SLC16A2: variants seen among roughly 807,000 people sequenced by gnomAD.
The protein encoded by SLC16A2 is monocarboxylate transporter 8.
Under a neutral mutation model 27.2 loss-of-function variants are expected in SLC16A2, and 3 were observed. The observed-to-expected ratio is 0.11, with a 90% confidence interval of 0.05 to 0.28. The LOEUF is 0.28. Among genes scored for constraint, SLC16A2 ranks in the 10% least tolerant of loss-of-function variants. SLC16A2 has a pLI of 1.00. For synonymous variants in SLC16A2, 202 were observed against 187.8 expected (o/e 1.08, Z -0.62); for missense variants, 295 against 458.5 (o/e 0.64, Z 3.26).
intron 1 of SLC16A2, among the ~76,000 whole-genome samples, chrX:74,453,045 C>T (rs763255982): frequency 2.2e-5 from 2 of 90,119 alleles, no homozygotes; most frequent in East Asian, 1.1e-3. Context: ...TACTGCTGTG[C>T]AGGTTGCTTT....
intron 1 of SLC16A2, among the ~76,000 whole-genome samples, chrX:74,461,744 C>A (rs924930160): frequency 4.5e-5 from 5 of 111,771 alleles, no homozygotes; most frequent in African/African-American, 1.6e-4. Context: ...GGTATCATTA[C>A]CAAATTTTAA....
chrX:74,522,093 T>C (rs1930416663), intron 2 of SLC16A2, among the ~76,000 whole-genome samples: 1 of 111,872 alleles, frequency 8.9e-6, no homozygotes, highest in African/African-American at 3.3e-5. Context: ...TGGGCCGATG[T>C]AGGGGAATGC....
chrX:74,466,639 G>A (rs1384463666), intron 1 of SLC16A2, among the ~76,000 whole-genome samples: 2 of 110,956 alleles, frequency 1.8e-5, no homozygotes, highest in Admixed American at 9.6e-5. Context: ...AAACATTTTC[G>A]ATCTGCTGTT....
intron 1 of SLC16A2, among the ~76,000 whole-genome samples, chrX:74,465,895 C>T (rs1428600935): frequency 9.0e-6 from 1 of 111,007 alleles, no homozygotes; most frequent in Non-Finnish European, 1.9e-5. Flanking sequence ...CCTCCGTGAC[C>T]CTCCCAGCCC....
At chrX:74,524,873 A>T in intron 3 of SLC16A2, 64 bp downstream of exon 3, 1 of 983,408 alleles carries the variant, frequency 1.0e-6, no homozygotes, top group Non-Finnish European at 1.4e-6. Context: ...ACCTGCCTAG[A>T]TTCCAGAGGG....
chrX:74,454,752 G>T (rs1929012595), intron 1 of SLC16A2, among the ~76,000 whole-genome samples: 1 of 110,992 alleles, frequency 9.0e-6, no homozygotes, highest in Non-Finnish European at 1.9e-5. Context: ...CTGGGCTTTT[G>T]ACTACACTAA....
At chrX:74,461,258 C>G (rs900223714) in intron 1 of SLC16A2, among the ~76,000 whole-genome samples, 1 of 111,903 alleles carries the variant, frequency 8.9e-6, no homozygotes, top group African/African-American at 3.2e-5. Flanking sequence ...TCCTTGTACT[C>G]TCTGTAACCT....
chrX:74,450,798 C>T (rs772908057), intron 1 of SLC16A2, among the ~76,000 whole-genome samples: 1 of 112,199 alleles, frequency 8.9e-6, no homozygotes, highest in East Asian at 2.8e-4. Flanking sequence ...ACAATATCCC[C>T]TTGGCTCTGG....
In SLC16A2 at chrX:74,532,021, G is replaced by C. The variant is rs781270942; in HGVS notation, c.*468G>C. ...GGGTGGAGGGGCAGGGAGGCAAAAT[G>C]AGACAAGTAGCCTTGGTTAGTCTTA... On this transcript the variant is annotated 3_prime_UTR_variant, in exon 6 of 6. Transcript: ENST00000587091. 1 of 180,648 alleles carries C rather than the reference G, an allele frequency of 5.5e-6. No individual in the cohort carries two copies. The highest frequency in any genetic ancestry group is 1.3e-4 in the East Asian group (1 of 7,697). 14.9% of individuals were successfully genotyped at this position (180,648 alleles called of 1,213,427 possible). A position where few individuals can be genotyped will look rare whatever the true frequency, so the allele number is the denominator to read the frequency against.
intron 1 of SLC16A2, among the ~76,000 whole-genome samples, chrX:74,513,508 A>G (rs186214717): frequency 9.8e-5 from 11 of 112,135 alleles, no homozygotes; most frequent in East Asian, 2.8e-4. Context: ...GTAACACCCA[A>G]TAACACCTAT....
intron 1 of SLC16A2, among the ~76,000 whole-genome samples, chrX:74,456,677 C>G (rs1315358064): frequency 1.8e-5 from 2 of 112,150 alleles, no homozygotes; most frequent in Non-Finnish European, 3.8e-5. Flanking sequence ...TGTTTGCATG[C>G]CTTTCAATCT....
intron 1 of SLC16A2, among the ~76,000 whole-genome samples, chrX:74,471,334 A>C (rs1475169014): frequency 8.9e-6 from 1 of 111,793 alleles, no homozygotes; most frequent in Non-Finnish European, 1.9e-5. Context: ...AGTTATTATA[A>C]TCCTGGGACC....
intron 1 of SLC16A2, chrX:74,473,851 A>C: frequency 4.0e-6 from 2 of 501,839 alleles, no homozygotes. Flanking sequence ...GTTTAAAATG[A>C]CTCAACCATT....
intron 1 of SLC16A2, among the ~76,000 whole-genome samples, chrX:74,470,255 A>G (rs1176344256): frequency 1.8e-5 from 2 of 112,660 alleles, no homozygotes; most frequent in East Asian, 5.5e-4. Flanking sequence ...TTTGGCAATT[A>G]TGAATAAAAC....
At chrX:74,480,173 T>C (rs1455567223) in intron 1 of SLC16A2, among the ~76,000 whole-genome samples, 1 of 112,126 alleles carries the variant, frequency 8.9e-6, no homozygotes, top group Non-Finnish European at 1.9e-5. Context: ...TACTCAAGCC[T>C]CAGCAATGTT....
At chrX:74,517,867 G>C (rs1160756882) in intron 1 of SLC16A2, among the ~76,000 whole-genome samples, 1 of 111,728 alleles carries the variant, frequency 9.0e-6, no homozygotes, top group Admixed American at 9.5e-5. Context: ...GTCTTTTCTC[G>C]AATTTCCTGT....
intron 1 of SLC16A2, among the ~76,000 whole-genome samples, chrX:74,468,587 C>A (rs960984855): frequency 8.3e-5 from 9 of 108,466 alleles, no homozygotes; most frequent in Non-Finnish European, 1.7e-4. Context: ...AAGTCCAGTA[C>A]AAGTTTTTAA....
chrX:74,521,857 A>G (rs1930412543), intron 2 of SLC16A2, among the ~76,000 whole-genome samples: 1 of 112,248 alleles, frequency 8.9e-6, no homozygotes, highest in Non-Finnish European at 1.9e-5. Context: ...CTGAAACCCT[A>G]GTCCCACTGG....
rs760584475 is a variant in SLC16A2, at chrX:74,491,902, G to A, written c.431-29088G>A. Among the ~76,000 whole-genome samples the A allele has an allele frequency of 2.7e-5, 3 of 112,233 alleles. No homozygotes were observed. In the South Asian group the frequency reaches 1.1e-3, roughly 42 times the overall value. On this transcript the variant is annotated intron_variant, in intron 1 of 5. Transcript: ENST00000587091. Reference sequence around the variant, plus strand: ...CTCCTCATACTCCCATTCTGGAACTGGAAGCCTCTCTGTTAAGTCTGTAAA... The same window carrying A: ...CTCCTCATACTCCCATTCTGGAACTAGAAGCCTCTCTGTTAAGTCTGTAAA...
Sources: gnomAD v4.1 joint callset for allele counts (sites outside exome capture counted in the v4.1 genomes callset) on GRCh38, gnomAD v4.1.1 for gene constraint, MANE v1.5 for transcripts, NCBI Gene and HGNC (gene_info 2026-07-23, HGNC 2026-07-21) for gene names.